The following MSR1 variants were observed in gnomAD, a reference collection of about 807,000 sequenced individuals.
The protein encoded by MSR1 is macrophage scavenger receptor types I and II.
Under a neutral mutation model 47.2 loss-of-function variants are expected in MSR1, and 53 were observed. The ratio of observed to expected loss-of-function variants is 1.12; its 90% CI spans 0.90 to 1.41. The LOEUF is 1.41. MSR1 is among the 40% of genes most tolerant of loss of function. MSR1 has a pLI of 0.00. For synonymous variants in MSR1, 239 were observed against 185.6 expected (o/e 1.29, Z -2.34); for missense variants, 786 against 546.9 (o/e 1.44, Z -4.36).
intron 2 of MSR1, 62 bp downstream of exon 2, chr8:16,177,824 T>A: frequency 7.4e-7 from 1 of 1,350,856 alleles, no homozygotes; most frequent in Non-Finnish European, 1.1e-6. Context: ...AGACTATAAT[T>A]TTATATTTTG....
At chr8:16,118,370 G>A (rs1301285943) in intron 9 of MSR1, among the ~76,000 whole-genome samples, 1 of 152,104 alleles carries the variant, frequency 6.6e-6, no homozygotes, top group Non-Finnish European at 1.5e-5. Flanking sequence ...ATACAATTAT[G>A]TATTTTAAAT....
rs1448711019 is a variant in MSR1 at position 16,164,524 on chromosome 8, T to C, written c.631-273A>G. ...TGATATGTTTCTATTCCTATATATATAGATGTCAAAATTCTAACAATAAAA... is the reference window on the plus strand; with the variant it reads ...TGATATGTTTCTATTCCTATATATACAGATGTCAAAATTCTAACAATAAAA... On this transcript the variant is annotated intron_variant, in intron 4 of 9. Coordinates refer to ENST00000262101, the MANE Select transcript of MSR1 (RefSeq NM_138715.3). Among the ~76,000 whole-genome samples the C allele has an allele frequency of 3.9e-5, 6 of 151,954 alleles. No homozygotes were observed. The South Asian group carries it at 6.2e-4, about 16-fold the overall frequency.
chr8:16,187,935 A>G (rs1035837035), intron 1 of MSR1, among the ~76,000 whole-genome samples: 3 of 152,166 alleles, frequency 2.0e-5, no homozygotes, highest in African/African-American at 7.2e-5. Flanking sequence ...ATTTTTTAGT[A>G]ACGTGAACAT....
intron 3 of MSR1, among the ~76,000 whole-genome samples, chr8:16,173,568 T>A (rs1391141850): frequency 6.6e-6 from 1 of 152,210 alleles, no homozygotes; most frequent in Non-Finnish European, 1.5e-5. Context: ...ATGGTTGGAT[T>A]TTTGTTTTAG....
At chr8:16,165,404 G>A (rs1030818872) in intron 4 of MSR1, among the ~76,000 whole-genome samples, 17 of 152,066 alleles carry the variant, frequency 1.1e-4, no homozygotes, top group South Asian at 2.1e-4. Context: ...AATTTCTGAC[G>A]ATTAATGTTT....
In MSR1 at chr8:16,155,127, C is replaced by G; in HGVS notation, c.835G>C (p.Gly279Arg). 6.2e-7 allele frequency: 1 copy of G among 1,611,870 alleles called. No individual in the cohort carries two copies. The change falls in exon 6 of 10, where the codon GGT becomes CGT. Residue 279 changes from glycine to arginine, a missense_variant. Gly to Arg is a moderately radical substitution (Grantham distance 125, BLOSUM62 -2). Transcript: ENST00000262101. ...TLIQGPPGPPGEKGDRGPTGE... is the reference protein window; with the variant it reads ...TLIQGPPGPPREKGDRGPTGE... Reference sequence around the variant, plus strand: ...GTGGGACCTCGATCTCCTTTTTCACCCGGGGGTCCAGGAGGACCTTTAAAA... The same window carrying G: ...GTGGGACCTCGATCTCCTTTTTCACGCGGGGGTCCAGGAGGACCTTTAAAA...
chr8:16,168,412 A>C (rs779129563), intron 4 of MSR1, 46 bp downstream of exon 4: 11 of 1,605,510 alleles, frequency 6.9e-6, no homozygotes, highest in Non-Finnish European at 9.4e-6. Flanking sequence ...CGAGACTTGG[A>C]TGGATTCAGT....
chr8:16,121,488 A>C (rs1283692664), intron 8 of MSR1, among the ~76,000 whole-genome samples: 1 of 152,054 alleles, frequency 6.6e-6, no homozygotes, highest in Non-Finnish European at 1.5e-5. Flanking sequence ...AAAATAGTGC[A>C]ACAAATATTA....
intron 7 of MSR1, among the ~76,000 whole-genome samples, chr8:16,148,109 T>A (rs1215818517): frequency 6.6e-6 from 1 of 152,216 alleles, no homozygotes; most frequent in East Asian, 1.9e-4. Context: ...CACTACTTTC[T>A]ATCTAACACA....
At chr8:16,144,516 A>T (rs552422756) in intron 7 of MSR1, among the ~76,000 whole-genome samples, 76 of 152,222 alleles carry the variant, frequency 5.0e-4, no homozygotes, top group African/African-American at 1.8e-3. Context: ...TTCATCCTAG[A>T]GCTCAGAGGA....
intron 1 of MSR1, among the ~76,000 whole-genome samples, chr8:16,188,972 A>AC (rs2116945646): frequency 9.1e-6 from 1 of 110,188 alleles, no homozygotes; most frequent in African/African-American, 4.6e-5. Context: ...ACATACATAT[A>AC]TATATATATA....
intron 5 of MSR1, among the ~76,000 whole-genome samples, chr8:16,163,302 T>C (rs1051436527): frequency 8.0e-5 from 12 of 149,854 alleles, no homozygotes; most frequent in African/African-American, 3.0e-4. Context: ...GGTCAGATTG[T>C]ATATTTTTTT....
intron 8 of MSR1, chr8:16,141,069 A>G (rs556969287): frequency 1.2e-6 from 2 of 1,611,424 alleles, no homozygotes; most frequent in East Asian, 4.5e-5. Context: ...AAAGGAGGAA[A>G]TTAATTATTT....
Position 16,108,483 on chromosome 8 carries a change from G to C in MSR1, c.*1602C>G, listed in dbSNP as rs1299938231. 4 of 152,040 alleles carry C rather than the reference G, an allele frequency of 2.6e-5. No homozygotes were observed. In the South Asian group the frequency reaches 6.2e-4, roughly 24 times the overall value. 9.4% of individuals were successfully genotyped at this position (152,040 alleles called of 1,614,324 possible). On this transcript the variant is annotated 3_prime_UTR_variant, in exon 10 of 10. Coordinates refer to ENST00000262101, the MANE Select transcript of MSR1 (RefSeq NM_138715.3). ...GCACTGATCTCAGACATCCCAAACA[G>C]GCTGATAATGCAAATGATTCTTTCA...
chr8:16,143,901 CT>C (rs1349574243), intron 7 of MSR1, among the ~76,000 whole-genome samples: 1 of 152,042 alleles, frequency 6.6e-6, no homozygotes, highest in African/African-American at 2.4e-5. Context: ...ATTTATCCTC[CT>C]TTTCTCCTCT....
At chr8:16,186,423 A>G (rs10109486) in intron 1 of MSR1, among the ~76,000 whole-genome samples, 1,662 of 152,198 alleles carry the variant, frequency 0.011, 31 homozygotes, top group African/African-American at 0.038. Flanking sequence ...CTACAAACCC[A>G]TATATGCACT....
At chr8:16,158,461 C>T (rs529825615) in intron 5 of MSR1, among the ~76,000 whole-genome samples, 19 of 152,018 alleles carry the variant, frequency 1.2e-4, no homozygotes, top group South Asian at 4.1e-4. Context: ...AATCCTCAGA[C>T]GATAACATAG....
intron 8 of MSR1, among the ~76,000 whole-genome samples, chr8:16,142,850 C>A (rs1180767322): frequency 6.6e-6 from 1 of 152,038 alleles, no homozygotes; most frequent in Non-Finnish European, 1.5e-5. Context: ...AGGGAGGAGC[C>A]TTCTGATTCT....
chr8:16,179,851 C>T (rs1332047117), intron 1 of MSR1, among the ~76,000 whole-genome samples: 7 of 120,212 alleles, frequency 5.8e-5, no homozygotes, highest in East Asian at 2.4e-4. Context: ...AACTCTAGCC[C>T]GGGCAAGAAG....
Sources: allele counts gnomAD v4.1 joint callset (sites outside exome capture counted in the v4.1 genomes callset), GRCh38; gene constraint gnomAD v4.1.1; transcripts MANE v1.5; gene names NCBI Gene and HGNC (gene_info 2026-07-23, HGNC 2026-07-21).